Variants in ATP9B observed in about 807,000 individuals in gnomAD.
ATP9B encodes the protein probable phospholipid-transporting ATPase IIB.
ATP9B carries 110 observed loss-of-function variants against 146.1 expected under a neutral mutation model. That is an observed-to-expected ratio of 0.75 (90% confidence interval 0.65 to 0.88). ATP9B has a LOEUF of 0.88. Ranked by LOEUF, ATP9B falls within the 40% of genes least tolerant of loss-of-function variation. ATP9B has a pLI of 0.00. For missense variants in ATP9B, 1,499 were observed against 1,496.4 expected (o/e 1.00, Z -0.03); for synonymous variants, 604 against 569.7 (o/e 1.06, Z -0.86).
chr18:79,306,582 TACA>T (rs1487506387), intron 14 of ATP9B, among the ~76,000 whole-genome samples: 1 of 152,264 alleles, frequency 6.6e-6, no homozygotes, highest in African/African-American at 2.4e-5. Flanking sequence ...TTTAGCTTTG[TACA>T]ACATTATTTA....
intron 13 of ATP9B, 139 bp downstream of exon 13, chr18:79,277,335 T>C: frequency 1.8e-6 from 2 of 1,087,970 alleles, no homozygotes; most frequent in Non-Finnish European, 2.6e-6. Context: ...ATATTTAGAA[T>C]TTTTCAGCCT....
chr18:79,252,420 G>A (rs369071712), intron 11 of ATP9B, among the ~76,000 whole-genome samples: 2 of 88,486 alleles, frequency 2.3e-5, no homozygotes, highest in African/African-American at 1.1e-4. Flanking sequence ...CTGCAGCGCC[G>A]AGTTCCCTCT....
chr18:79,119,427 C>T (rs181460360), intron 4 of ATP9B, among the ~76,000 whole-genome samples: 40 of 152,210 alleles, frequency 2.6e-4, no homozygotes, highest in Admixed American at 2.4e-3. Context: ...ATTTTTAGTC[C>T]TTTAGCTTGA....
Position 79,329,072 on chromosome 18 carries a change from C to T in ATP9B, c.1774-69C>T, listed in dbSNP as rs539821232. ...TGTTGGCAAGCTTTCTGAGCACTGC[C>T]GTGCTGGCTCGCCTGCGTGCGGCTT... On this transcript the variant is annotated intron_variant, in intron 15 of 29. Coordinates refer to ENST00000426216, the MANE Select transcript of ATP9B (RefSeq NM_198531.5). 100 of 1,402,472 alleles carry T rather than the reference C, an allele frequency of 7.1e-5. No individual in the cohort carries two copies. The African/African-American group carries it at 1.1e-3, about 16-fold the overall frequency. 86.9% of individuals were successfully genotyped at this position (1,402,472 alleles called of 1,614,324 possible).
chr18:79,113,467 G>GC, intron 4 of ATP9B, 113 bp downstream of exon 4: 1 of 679,160 alleles, frequency 1.5e-6, no homozygotes, highest in South Asian at 2.0e-5. Flanking sequence ...TGGTGTTGTA[G>GC]TGTTCACTGA....
intron 9 of ATP9B, among the ~76,000 whole-genome samples, chr18:79,202,461 A>G (rs1313845034): frequency 6.6e-6 from 1 of 152,206 alleles, no homozygotes; most frequent in Non-Finnish European, 1.5e-5. Context: ...TTCTTCAGCC[A>G]AAATACTCTC....
chr18:79,231,765 AAT>A lies in ATP9B; in HGVS notation c.1107+17728_1107+17729del, dbSNP rs1491183351. Among the ~76,000 whole-genome samples, 3 of 128,168 alleles carry A rather than the reference AAT, an allele frequency of 2.3e-5. No individual in the cohort carries two copies. In the East Asian group the frequency reaches 6.5e-4, roughly 28 times the overall value. The allele number at this position is 128,168 out of a possible 152,430, so 84.1% of individuals were successfully genotyped here. ...CATCAATCAACGAGTAGATAAAGAA[AAT>A]GTGTGTGTGTGTATATATATATATA... On this transcript the variant is annotated intron_variant, in intron 11 of 29. Coordinates refer to ENST00000426216, the MANE Select transcript of ATP9B (RefSeq NM_198531.5).
chr18:79,311,910 C>T (rs899270523), intron 15 of ATP9B, among the ~76,000 whole-genome samples: 4 of 152,220 alleles, frequency 2.6e-5, no homozygotes, highest in African/African-American at 4.8e-5. Flanking sequence ...TTGAGCCTTT[C>T]GTGAGAATCT....
At chr18:79,246,368 A>AGGAGGGCACCGCCCTACTGACTGTGC (rs2095963045) in intron 11 of ATP9B, among the ~76,000 whole-genome samples, 1 of 139,890 alleles carries the variant, frequency 7.1e-6, no homozygotes. Flanking sequence ...CTACTGACTG[A>AGGAGGGCACCGCCCTACTGACTGTGC]GGAGGGCACC....
At chr18:79,189,552 T>C (rs532353824) in intron 8 of ATP9B, among the ~76,000 whole-genome samples, 2 of 152,352 alleles carry the variant, frequency 1.3e-5, no homozygotes, top group East Asian at 1.9e-4. Flanking sequence ...AAACAGTTGA[T>C]TAACACATAT....
At position 79,197,088 on chromosome 18, in the gene ATP9B, A is replaced by C. The variant is rs1319063454; in HGVS notation, c.954+3825A>C. On this transcript the variant is annotated intron_variant, in intron 9 of 29. Transcript: ENST00000426216. ...GTTGAACATACATTTGCTTGTAAAG[A>C]AATTTTTATTTCTATAACATAGAAC... 2.6e-5 allele frequency among the ~76,000 whole-genome samples: 4 copies of C among 152,246 alleles called. No homozygotes were observed. The East Asian group carries it at 7.7e-4, about 29-fold the overall frequency.
intron 7 of ATP9B, among the ~76,000 whole-genome samples, chr18:79,164,387 A>C (rs1358522923): frequency 6.6e-6 from 1 of 152,144 alleles, no homozygotes; most frequent in Non-Finnish European, 1.5e-5. Flanking sequence ...TAACAATGAT[A>C]ATTCCCATAT....
intron 11 of ATP9B, among the ~76,000 whole-genome samples, chr18:79,252,511 T>C (rs1346371862): frequency 6.6e-6 from 1 of 152,194 alleles, no homozygotes; most frequent in Non-Finnish European, 1.5e-5. Context: ...TCCATAGCGA[T>C]TGCTAGAGCT....
chr18:79,106,964 T>C (rs1306937726), intron 2 of ATP9B, among the ~76,000 whole-genome samples: 1 of 152,262 alleles, frequency 6.6e-6, no homozygotes, highest in Non-Finnish European at 1.5e-5. Flanking sequence ...ATAAAGCTTA[T>C]ATTTTCTAAA....
intron 7 of ATP9B, among the ~76,000 whole-genome samples, chr18:79,167,442 A>G (rs984770475): frequency 3.3e-5 from 5 of 152,084 alleles, no homozygotes; most frequent in Non-Finnish European, 4.4e-5. Context: ...GGTAGCTCCT[A>G]TCAGCAGGCA....
chr18:79,118,667 T>A (rs1460620409), intron 4 of ATP9B, among the ~76,000 whole-genome samples: 1 of 152,110 alleles, frequency 6.6e-6, no homozygotes, highest in East Asian at 1.9e-4. Context: ...CCCAAAGTGC[T>A]GGGATTACAG....
At chr18:79,304,284 A>C (rs986931954) in intron 14 of ATP9B, among the ~76,000 whole-genome samples, 9 of 152,074 alleles carry the variant, frequency 5.9e-5, no homozygotes, top group African/African-American at 2.2e-4. Context: ...ATGTGCCCCT[A>C]ATTGATAAGG....
At position 79,100,595 on chromosome 18, in the gene ATP9B, A is replaced by T. The variant is rs551353789; in HGVS notation, c.293+3946A>T. On this transcript the variant is annotated intron_variant, in intron 2 of 29. Transcript: ENST00000426216. ...TGTCATTCTTTTACTTTTTAAAAAA[A>T]TTTTTAAAAATTTTGAATTTGGAAA... is the stretch of plus-strand genomic sequence containing the variant. Among the ~76,000 whole-genome samples the T allele has an allele frequency of 1.4e-4, 21 of 152,280 alleles. No individual in the cohort carries two copies. The South Asian group carries it at 4.4e-3, about 32-fold the overall frequency.
intron 26 of ATP9B, among the ~76,000 whole-genome samples, chr18:79,367,292 G>A (rs113337630): frequency 8.7e-5 from 10 of 115,264 alleles, no homozygotes; most frequent in Non-Finnish European, 1.3e-4. Context: ...CAACCAGAGA[G>A]CACACATATC....
Sources: gnomAD v4.1 joint callset for allele counts (sites outside exome capture counted in the v4.1 genomes callset) on GRCh38, gnomAD v4.1.1 for gene constraint, MANE v1.5 for transcripts, NCBI Gene and HGNC (gene_info 2026-07-23, HGNC 2026-07-21) for gene names.